The following PRXL2A variants were observed in gnomAD, a reference collection of about 807,000 sequenced individuals.
The protein encoded by PRXL2A is peroxiredoxin like 2A, also known as peroxiredoxin-like 2A.
In PRXL2A, 26 loss-of-function variants were observed where a neutral mutation model predicts 25.6. The observed-to-expected ratio is 1.02, with a 90% CI of 0.74 to 1.41. The LOEUF (loss-of-function observed/expected upper bound fraction) is 1.41. PRXL2A is among the 40% of genes most tolerant of loss of function. The pLI, the probability that PRXL2A is intolerant of heterozygous loss-of-function variation, is 0.00. For synonymous variants in PRXL2A, 98 were observed against 102.9 expected, an observed-to-expected ratio of 0.95 and a Z score of 0.29; for missense variants, 246 against 273.9, an observed-to-expected ratio of 0.90 and a Z score of 0.72.
chr10:80,413,784 C>T lies in PRXL2A; in HGVS notation c.-3+5141C>T. Reference sequence around the variant, plus strand: ...TGAGCCTAGGGACCTAGTCCCGCCTCCAGCCCTCCCCTTGCCGCCTGCCCA... The same window carrying T: ...TGAGCCTAGGGACCTAGTCCCGCCTTCAGCCCTCCCCTTGCCGCCTGCCCA... On this transcript the variant is annotated intron_variant, in intron 1 of 5. Coordinates refer to ENST00000606162, the MANE Select transcript of PRXL2A (RefSeq NM_032333.5). 3.8e-6 allele frequency: 4 copies of T among 1,044,782 alleles called. No homozygotes were observed. In the South Asian group the frequency reaches 1.1e-4, roughly 29 times the overall value. The allele number at this position is 1,044,782 out of a possible 1,614,324, so 64.7% of individuals were successfully genotyped here. A position where few individuals can be genotyped will look rare whatever the true frequency, so the allele number is the denominator to read the frequency against.
intron 5 of PRXL2A, among the ~76,000 whole-genome samples, chr10:80,427,702 TACTC>T (rs1338843912): frequency 6.6e-6 from 1 of 152,242 alleles, no homozygotes. Context: ...TACTTGAATC[TACTC>T]ACTCATCACA....
chr10:80,408,955 G>C (rs1356992342), intron 1 of PRXL2A: 2 of 884,682 alleles, frequency 2.3e-6, no homozygotes, highest in African/African-American at 3.6e-5. Flanking sequence ...ACGCCCGCAA[G>C]CCTTGAGTGA....
rs1292642517 is a variant in PRXL2A, at chr10:80,425,955, A to AGTGAAG, written c.362_367dup (p.Val121_Lys122dup). 1.2e-6 allele frequency: 2 copies of AGTGAAG among 1,614,244 alleles called. No homozygotes were observed. Among genetic ancestry groups the AGTGAAG allele is most frequent in the African/African-American group, 2.7e-5 (2 of 75,066 alleles). On this transcript the variant is annotated inframe_insertion, in exon 4 of 6. Coordinates refer to ENST00000606162, the MANE Select transcript of PRXL2A (RefSeq NM_032333.5). ...TGGTAAAGGAGCACATCAGGACTGA[A>AGTGAAG]GTGAAGGATTTCCAGCCTTATTTCA...
chr10:80,420,511 GGTCC>G lies in PRXL2A; in HGVS notation c.45_48del (p.Trp15Ter). On this transcript the variant is annotated frameshift_variant, in exon 2 of 6. Transcript: ENST00000606162. LOFTEE classifies it high-confidence loss of function. ...CCAAGTTTCTTCACCATGGGGATGT[GGTCC>G]ATTGGTGCAGGAGCCCTGGGGGCTG... 16 of 1,610,482 alleles carry G rather than the reference GGTCC, an allele frequency of 9.9e-6. No individual in the cohort carries two copies. Among genetic ancestry groups the G allele is most frequent in the Non-Finnish European group, 1.2e-5 (14 of 1,178,034 alleles).
intron 5 of PRXL2A, among the ~76,000 whole-genome samples, chr10:80,429,897 TG>T (rs1438555461): frequency 6.6e-6 from 1 of 152,188 alleles, no homozygotes; most frequent in Admixed American, 6.5e-5. Context: ...ATGACTCATC[TG>T]GTGCTCATGG....
intron 1 of PRXL2A, among the ~76,000 whole-genome samples, chr10:80,411,753 G>A (rs927728462): frequency 1.3e-5 from 2 of 152,192 alleles, no homozygotes; most frequent in African/African-American, 4.8e-5. Context: ...CTGAGGGCCT[G>A]AGGCAAGGAG....
At chr10:80,422,194 G>A (rs1844887851) in intron 2 of PRXL2A, among the ~76,000 whole-genome samples, 1 of 152,034 alleles carries the variant, frequency 6.6e-6, no homozygotes, top group Admixed American at 6.6e-5. Flanking sequence ...GGACCTACCG[G>A]GTATATAACA....
At chr10:80,410,217 G>T (rs895791211) in intron 1 of PRXL2A, among the ~76,000 whole-genome samples, 8 of 152,244 alleles carry the variant, frequency 5.3e-5, no homozygotes, top group Non-Finnish European at 1.0e-4. Context: ...TCTCTGCTGT[G>T]GCTTGTGTGG....
chr10:80,422,019 T>C (rs1844882027), intron 2 of PRXL2A, among the ~76,000 whole-genome samples: 1 of 152,218 alleles, frequency 6.6e-6, no homozygotes, highest in South Asian at 2.1e-4. Flanking sequence ...GCAGGTAACA[T>C]ATTTAGGTTA....
At chr10:80,425,715 AGC>A (rs1467899026) in intron 3 of PRXL2A, 149 bp from the exon 4 acceptor site, 1 of 877,172 alleles carries the variant, frequency 1.1e-6, no homozygotes, top group Non-Finnish European at 1.8e-6. Context: ...GCTGCTCCCA[AGC>A]TGTGGTTAGG....
At chr10:80,410,212 G>T (rs1205286551) in intron 1 of PRXL2A, among the ~76,000 whole-genome samples, 2 of 152,238 alleles carry the variant, frequency 1.3e-5, no homozygotes, top group East Asian at 3.8e-4. Context: ...AAGTCTCTCT[G>T]CTGTGGCTTG....
intron 1 of PRXL2A, chr10:80,413,843 G>T (rs985564940): frequency 2.5e-5 from 30 of 1,201,002 alleles, no homozygotes; most frequent in Middle Eastern, 2.3e-4. Context: ...ATACTTCTTT[G>T]TCAAGAGAAG....
At chr10:80,426,813 G>A (rs1222690417) in intron 4 of PRXL2A, among the ~76,000 whole-genome samples, 1 of 152,154 alleles carries the variant, frequency 6.6e-6, no homozygotes, top group African/African-American at 2.4e-5. Context: ...GTCTGAAACT[G>A]GACCCAGCAG....
chr10:80,416,841 A>C (rs1386527697), intron 1 of PRXL2A, among the ~76,000 whole-genome samples: 1 of 152,222 alleles, frequency 6.6e-6, no homozygotes, highest in Admixed American at 6.5e-5. Flanking sequence ...GGGGGTTGAG[A>C]TTCTTCGTTT....
Position 80,436,114 on chromosome 10 carries a change from A to ATTT in PRXL2A, c.*4015_*4016insTTT, listed in dbSNP as rs1845395035. On this transcript the variant is annotated 3_prime_UTR_variant, in exon 6 of 6. Coordinates refer to ENST00000606162, the MANE Select transcript of PRXL2A (RefSeq NM_032333.5). ...GAATCTCTGGGGTAGGCCCCAAGCA[A>ATTT]CTTTTTTTTTTTTTTTTTTAGATAG... The ATTT allele has an allele frequency of 9.5e-6, 1 of 104,930 alleles. No homozygotes were observed. The highest frequency in any genetic ancestry group is 2.1e-5 in the Non-Finnish European group (1 of 48,160). 6.5% of individuals were successfully genotyped at this position (104,930 alleles called of 1,614,324 possible). A position where few individuals can be genotyped will look rare whatever the true frequency, so the allele number is the denominator to read the frequency against.
At chr10:80,411,682 A>G (rs1490546963) in intron 1 of PRXL2A, among the ~76,000 whole-genome samples, 1 of 152,202 alleles carries the variant, frequency 6.6e-6, no homozygotes, top group African/African-American at 2.4e-5. Context: ...CTTTGAGGGA[A>G]GGAGAGGGAA....
intron 1 of PRXL2A, among the ~76,000 whole-genome samples, chr10:80,411,444 G>A (rs1844473716): frequency 6.6e-6 from 1 of 152,236 alleles, no homozygotes; most frequent in Non-Finnish European, 1.5e-5. Flanking sequence ...CCTGAGCCCA[G>A]ACTGCCATGC....
intron 2 of PRXL2A, 123 bp downstream of exon 2, chr10:80,420,768 T>G (rs563947994): frequency 1.4e-6 from 1 of 720,092 alleles, no homozygotes; most frequent in East Asian, 3.2e-5. Flanking sequence ...TTAGGAAAAA[T>G]TTAATAACAA....
At chr10:80,422,849 G>C (rs558742505) in intron 3 of PRXL2A, among the ~76,000 whole-genome samples, 1 of 152,226 alleles carries the variant, frequency 6.6e-6, no homozygotes, top group South Asian at 2.1e-4. Context: ...ACAGATATAT[G>C]ATGTGCCTGG....
Sources: gnomAD v4.1 joint callset for allele counts (sites outside exome capture counted in the v4.1 genomes callset) on GRCh38, gnomAD v4.1.1 for gene constraint, MANE v1.5 for transcripts, NCBI Gene and HGNC (gene_info 2026-07-23, HGNC 2026-07-21) for gene names.